TMEM9B: variants seen among roughly 807,000 people sequenced by gnomAD.
TMEM9B encodes TMEM9 domain family member B.
Under a neutral mutation model 23.5 loss-of-function variants are expected in TMEM9B, and 8 were observed. The ratio of observed to expected loss-of-function variants is 0.34; its 90% confidence interval spans 0.20 to 0.61. The LOEUF is 0.61. Ranked by LOEUF, TMEM9B falls within the 20% of genes least tolerant of loss-of-function variation. TMEM9B has a pLI of 0.78. For missense variants in TMEM9B, 197 were observed against 252.3 expected (o/e 0.78, Z 1.49); for synonymous variants, 106 against 96.3 (o/e 1.10, Z -0.59).
chr11:8,964,408 A>G lies in TMEM9B; in HGVS notation c.-95T>C. The G allele has an allele frequency of 7.0e-7, 1 of 1,429,810 alleles. No homozygotes were observed. Among genetic ancestry groups the G allele is most frequent in the Non-Finnish European group, 9.1e-7 (1 of 1,098,644 alleles). The allele number at this position is 1,429,810 out of a possible 1,614,324, so 88.6% of individuals were successfully genotyped here. A position where few individuals can be genotyped will look rare whatever the true frequency, so the allele number is the denominator to read the frequency against. On this transcript the variant is annotated 5_prime_UTR_variant, in exon 1 of 5. Transcript: ENST00000534025. ...GCTCAGGCTCAGGCACAGGCTTGGG[A>G]CCCGGCTGGGGATCCTCCGCCCGCA... is the stretch of plus-strand genomic sequence containing the variant.
intron 4 of TMEM9B, among the ~76,000 whole-genome samples, chr11:8,951,485 C>T (rs1368507217): frequency 6.6e-6 from 1 of 152,102 alleles, no homozygotes; most frequent in African/African-American, 2.4e-5. Flanking sequence ...GGTGCGGTGG[C>T]TCACGCCTGT....
intron 4 of TMEM9B, chr11:8,952,739 A>T (rs977428423): frequency 1.0e-5 from 2 of 194,020 alleles, no homozygotes; most frequent in Non-Finnish European, 2.1e-5. Flanking sequence ...CAGTAGAAAA[A>T]AAGGAAATAT....
chr11:8,962,321 GAC>G (rs756211142), intron 1 of TMEM9B, 138 bp from the exon 2 acceptor site: 29 of 584,900 alleles, frequency 5.0e-5, no homozygotes, highest in Non-Finnish European at 8.2e-5. Flanking sequence ...AACTTTAACA[GAC>G]ACAGTTTTTA....
chr11:8,964,418 G>C lies in TMEM9B; in HGVS notation c.-105C>G. 1 of 1,444,606 alleles carries C rather than the reference G, an allele frequency of 6.9e-7. No individual in the cohort carries two copies. Among genetic ancestry groups the C allele is most frequent in the Non-Finnish European group, 9.1e-7 (1 of 1,104,612 alleles). The allele number at this position is 1,444,606 out of a possible 1,614,324, so 89.5% of individuals were successfully genotyped here. A position where few individuals can be genotyped will look rare whatever the true frequency, so the allele number is the denominator to read the frequency against. On this transcript the variant is annotated 5_prime_UTR_variant, in exon 1 of 5. Transcript: ENST00000534025. ...AGGCACAGGCTTGGGACCCGGCTGG[G>C]GATCCTCCGCCCGCACTTCCGTCTG...
At chr11:8,951,587 T>G (rs1390905662) in intron 4 of TMEM9B, among the ~76,000 whole-genome samples, 4 of 91,826 alleles carry the variant, frequency 4.4e-5, no homozygotes, top group African/African-American at 1.4e-4. Flanking sequence ...CCGTCTCTAC[T>G]AGAAAAAAAA....
intron 2 of TMEM9B, among the ~76,000 whole-genome samples, chr11:8,961,417 T>C (rs745636251): frequency 5.9e-5 from 9 of 152,266 alleles, no homozygotes; most frequent in Admixed American, 6.5e-5. Context: ...TTCATCCTGC[T>C]GTAATACAAC....
intron 2 of TMEM9B, among the ~76,000 whole-genome samples, chr11:8,960,300 C>G (rs1293472929): frequency 6.6e-6 from 1 of 152,072 alleles, no homozygotes; most frequent in African/African-American, 2.4e-5. Context: ...TGCCACCATG[C>G]CCAGCTAATT....
intron 4 of TMEM9B, among the ~76,000 whole-genome samples, chr11:8,949,874 C>T (rs1460392734): frequency 1.4e-5 from 2 of 146,308 alleles, no homozygotes; most frequent in Non-Finnish European, 3.0e-5. Context: ...ATTGCCCAGA[C>T]TGGCCATGAA....
chr11:8,950,696 A>C (rs1853858379), intron 4 of TMEM9B, among the ~76,000 whole-genome samples: 1 of 152,340 alleles, frequency 6.6e-6, no homozygotes, highest in East Asian at 1.9e-4. Context: ...AATACAAAAC[A>C]TGTTTTACTG....
intron 1 of TMEM9B, 105 bp downstream of exon 1, chr11:8,964,104 A>C (rs1854137675): frequency 6.1e-6 from 7 of 1,148,102 alleles, no homozygotes; most frequent in South Asian, 1.5e-5. Flanking sequence ...GGCCAGGCGT[A>C]TGGCTGTCAG....
chr11:8,964,413 G>T lies in TMEM9B; in HGVS notation c.-100C>A. 1 of 1,450,922 alleles carries T rather than the reference G, an allele frequency of 6.9e-7. No individual in the cohort carries two copies. The allele number at this position is 1,450,922 out of a possible 1,614,324, so 89.9% of individuals were successfully genotyped here. On this transcript the variant is annotated 5_prime_UTR_variant, in exon 1 of 5. Transcript: ENST00000534025. ...GGCTCAGGCACAGGCTTGGGACCCG[G>T]CTGGGGATCCTCCGCCCGCACTTCC...
At chr11:8,959,853 G>A (rs989076361) in intron 2 of TMEM9B, among the ~76,000 whole-genome samples, 1 of 152,184 alleles carries the variant, frequency 6.6e-6, no homozygotes, top group Non-Finnish European at 1.5e-5. Context: ...GCCAGCATAA[G>A]TCAATGAAGA....
At chr11:8,964,509 C>G, upstream of TMEM9B, 1 of 1,399,570 alleles carries the variant, frequency 7.1e-7, no homozygotes, top group South Asian at 1.6e-5. Flanking sequence ...AACCGGTTAC[C>G]AGTGCGAAGG....
intron 2 of TMEM9B, among the ~76,000 whole-genome samples, chr11:8,959,737 G>C (rs1292399703): frequency 6.6e-6 from 1 of 152,096 alleles, no homozygotes; most frequent in East Asian, 1.9e-4. Flanking sequence ...AACCACTTAA[G>C]GAACTAGGCA....
chr11:8,964,515 G>C, upstream of TMEM9B: 1 of 1,388,924 alleles, frequency 7.2e-7, no homozygotes, highest in Non-Finnish European at 9.3e-7. Context: ...TTACCAGTGC[G>C]AAGGGCCGGG....
chr11:8,948,258 C>G lies in TMEM9B; in HGVS notation c.*62G>C. On this transcript the variant is annotated 3_prime_UTR_variant, in exon 5 of 5. Coordinates refer to ENST00000534025, the MANE Select transcript of TMEM9B (RefSeq NM_020644.3). ...GTATTAAAATGAAACCCAGCAAAAC[C>G]CAGTCAGTTCTTTCCAGTTGTCTGC... The G allele has an allele frequency of 6.5e-7, 1 of 1,538,816 alleles. No individual in the cohort carries two copies. The highest frequency in any genetic ancestry group is 8.8e-7 in the Non-Finnish European group (1 of 1,139,784).
intron 2 of TMEM9B, among the ~76,000 whole-genome samples, chr11:8,961,426 A>G (rs1275826520): frequency 6.6e-6 from 1 of 152,230 alleles, no homozygotes; most frequent in African/African-American, 2.4e-5. Context: ...CTGTAATACA[A>G]CTGCATCCCA....
chr11:8,956,146 TAGACAGAC>T, intron 3 of TMEM9B, 36 bp downstream of exon 3: 1 of 1,573,534 alleles, frequency 6.4e-7, no homozygotes, highest in Non-Finnish European at 8.7e-7. Flanking sequence ...AGAAAAGACG[TAGACAGAC>T]AGACAGACAG....
intron 4 of TMEM9B, chr11:8,952,925 A>G (rs373376985): frequency 1.4e-5 from 8 of 573,370 alleles, no homozygotes; most frequent in East Asian, 1.1e-4. Context: ...TCTCAATGTA[A>G]ACAGGGAATG....
Sources: allele counts gnomAD v4.1 joint callset (sites outside exome capture counted in the v4.1 genomes callset), GRCh38; gene constraint gnomAD v4.1.1; transcripts MANE v1.5; gene names NCBI Gene and HGNC (gene_info 2026-07-23, HGNC 2026-07-21).